EXOC4: variants seen among roughly 807,000 people sequenced by gnomAD.
The protein encoded by EXOC4 is SEC8-like 1.
In EXOC4, 71 loss-of-function variants were observed where a neutral mutation model predicts 107.2. The ratio of observed to expected loss-of-function variants is 0.66; its 90% confidence interval spans 0.55 to 0.81. The LOEUF is 0.81. Among genes scored for constraint, EXOC4 ranks in the 30% least tolerant of loss-of-function variants. The pLI is 0.00. For synonymous variants in EXOC4, 456 were observed against 441.2 expected, an observed-to-expected ratio of 1.03 and a Z score of -0.42; for missense variants, 1,108 against 1,189.6, an observed-to-expected ratio of 0.93 and a Z score of 1.01.
At chr7:133,999,108 T>A (rs1324606040) in intron 15 of EXOC4, among the ~76,000 whole-genome samples, 3 of 152,178 alleles carry the variant, frequency 2.0e-5, no homozygotes, top group African/African-American at 7.2e-5. Flanking sequence ...TAGGTAGCAA[T>A]GTCAAAACAT....
chr7:133,391,925 A>G (rs553275995), intron 7 of EXOC4, among the ~76,000 whole-genome samples: 9 of 152,336 alleles, frequency 5.9e-5, no homozygotes, highest in African/African-American at 2.2e-4. Flanking sequence ...AAACCTGGGA[A>G]CAATGGGGGT....
At chr7:134,012,430 GT>G (rs1341961977) in intron 17 of EXOC4, among the ~76,000 whole-genome samples, 5 of 152,198 alleles carry the variant, frequency 3.3e-5, no homozygotes, top group Non-Finnish European at 7.4e-5. Flanking sequence ...GGAATCAGAA[GT>G]GAACCAAAGA....
chr7:133,668,276 A>C (rs947255161), intron 10 of EXOC4, among the ~76,000 whole-genome samples: 2 of 152,236 alleles, frequency 1.3e-5, no homozygotes, highest in African/African-American at 4.8e-5. Context: ...AAGTCCAATA[A>C]AAATGTATAC....
Position 133,785,335 on chromosome 7 carries a change from C to T in EXOC4, c.1515-31990C>T, listed in dbSNP as rs1283803998. On this transcript the variant is annotated intron_variant, in intron 10 of 17. Transcript: ENST00000253861. ...GTATTTGATCAAATCTGAGTATTTT[C>T]AATACTCATTTTCTTTGACACTTCC... is the stretch of plus-strand genomic sequence containing the variant. 3.3e-5 allele frequency among the ~76,000 whole-genome samples: 5 copies of T among 151,726 alleles called. No homozygotes were observed. The South Asian group carries it at 8.4e-4, about 25-fold the overall frequency.
chr7:133,899,568 A>G (rs1799403498), intron 12 of EXOC4, among the ~76,000 whole-genome samples: 1 of 152,204 alleles, frequency 6.6e-6, no homozygotes, highest in African/African-American at 2.4e-5. Context: ...AAATATATGA[A>G]GATAGCTATC....
chr7:133,908,217 A>G (rs1178579478), intron 12 of EXOC4, among the ~76,000 whole-genome samples: 1 of 152,248 alleles, frequency 6.6e-6, no homozygotes, highest in Non-Finnish European at 1.5e-5. Flanking sequence ...ATACTCAGTA[A>G]AGTATTAATA....
intron 3 of EXOC4, among the ~76,000 whole-genome samples, chr7:133,296,641 GT>G (rs1794525643): frequency 6.6e-6 from 1 of 151,882 alleles, no homozygotes; most frequent in South Asian, 2.1e-4. Context: ...GAAGGCTGGG[GT>G]TTTTAGAAAC....
At chr7:133,589,923 C>T (rs1801499898) in intron 9 of EXOC4, among the ~76,000 whole-genome samples, 1 of 152,088 alleles carries the variant, frequency 6.6e-6, no homozygotes, top group East Asian at 1.9e-4. Context: ...CAGCTAAAAT[C>T]CAAGTTATTG....
intron 6 of EXOC4, among the ~76,000 whole-genome samples, chr7:133,369,210 G>A (rs1356725592): frequency 1.3e-5 from 2 of 152,166 alleles, no homozygotes; most frequent in South Asian, 2.1e-4. Context: ...ACAAGCTAGT[G>A]CAGATTTACA....
At chr7:133,375,720 C>T (rs1468485218) in intron 7 of EXOC4, among the ~76,000 whole-genome samples, 1 of 152,102 alleles carries the variant, frequency 6.6e-6, no homozygotes, top group Non-Finnish European at 1.5e-5. Flanking sequence ...TATGACAGAA[C>T]AAGAGCTTAT....
intron 5 of EXOC4, among the ~76,000 whole-genome samples, chr7:133,338,179 A>G (rs1180910630): frequency 6.6e-6 from 1 of 151,992 alleles, no homozygotes; most frequent in Admixed American, 6.6e-5. Flanking sequence ...TAAATCATGT[A>G]TTTAATTCTT....
intron 7 of EXOC4, among the ~76,000 whole-genome samples, chr7:133,416,826 T>A (rs1207928292): frequency 6.6e-6 from 1 of 152,092 alleles, no homozygotes; most frequent in East Asian, 1.9e-4. Flanking sequence ...TAAGCCGATG[T>A]TGGAGTAGAG....
rs539532195 is a variant in EXOC4, at chr7:134,065,204, T to C, written c.*676T>C. ...TTGGTTTATTGCCATTTTGTTTTAT[T>C]TCTGCTGTATAAAAACCAAGAGCCA... On this transcript the variant is annotated 3_prime_UTR_variant, in exon 18 of 18. Coordinates refer to ENST00000253861, the MANE Select transcript of EXOC4 (RefSeq NM_021807.4). 2 of 152,526 alleles carry C rather than the reference T, an allele frequency of 1.3e-5. No homozygotes were observed. The highest frequency in any genetic ancestry group is 4.8e-5 in the African/African-American group (2 of 41,556). 9.4% of individuals were successfully genotyped at this position (152,526 alleles called of 1,614,324 possible).
intron 10 of EXOC4, among the ~76,000 whole-genome samples, chr7:133,685,750 A>G (rs968174064): frequency 6.6e-6 from 1 of 152,170 alleles, no homozygotes; most frequent in South Asian, 2.1e-4. Context: ...AATTTCTATA[A>G]ATTTAAGGTG....
intron 9 of EXOC4, among the ~76,000 whole-genome samples, chr7:133,516,517 T>C (rs1268015482): frequency 6.6e-6 from 1 of 152,192 alleles, no homozygotes; most frequent in Non-Finnish European, 1.5e-5. Flanking sequence ...AGCATTGGTC[T>C]CTATTTCATT....
intron 12 of EXOC4, among the ~76,000 whole-genome samples, chr7:133,908,711 G>A (rs1383120020): frequency 6.6e-6 from 1 of 152,182 alleles, no homozygotes; most frequent in Non-Finnish European, 1.5e-5. Context: ...CATGGAAAAG[G>A]TTAAATTGTC....
intron 7 of EXOC4, among the ~76,000 whole-genome samples, chr7:133,381,108 A>G (rs1228887052): frequency 6.6e-6 from 1 of 152,132 alleles, no homozygotes; most frequent in Non-Finnish European, 1.5e-5. Context: ...ATTGCCCTAT[A>G]AATTTGAGCA....
chr7:133,601,530 A>G (rs535958843), intron 9 of EXOC4, among the ~76,000 whole-genome samples: 1 of 152,288 alleles, frequency 6.6e-6, no homozygotes, highest in Admixed American at 6.5e-5. Context: ...ATCTTTATAA[A>G]TAAATAAAAC....
intron 9 of EXOC4, among the ~76,000 whole-genome samples, chr7:133,545,698 A>G (rs1420919337): frequency 6.6e-6 from 1 of 152,170 alleles, no homozygotes; most frequent in Non-Finnish European, 1.5e-5. Flanking sequence ...CTACTGTCCC[A>G]ATAGTTGAAT....
Sources: gnomAD v4.1 joint callset for allele counts (sites outside exome capture counted in the v4.1 genomes callset) on GRCh38, gnomAD v4.1.1 for gene constraint, MANE v1.5 for transcripts, NCBI Gene and HGNC (gene_info 2026-07-23, HGNC 2026-07-21) for gene names.